WDR27: variants seen among roughly 807,000 people sequenced by gnomAD.
The protein encoded by WDR27 is WD repeat domain 27.
A neutral mutation model predicts 114.4 loss-of-function variants in WDR27; 100 were observed. The observed-to-expected ratio is 0.87, with a 90% CI of 0.74 to 1.03. WDR27 has a LOEUF of 1.03. Ranked by LOEUF, WDR27 falls within the 50% of genes least tolerant of loss-of-function variation. The pLI is 0.00. For missense variants in WDR27, 1,129 were observed against 1,092.9 expected (o/e 1.03, Z -0.47); for synonymous variants, 449 against 423.1 (o/e 1.06, Z -0.75).
chr6:169,475,464 C>T (rs1266435445), intron 25 of WDR27, among the ~76,000 whole-genome samples: 1 of 152,138 alleles, frequency 6.6e-6, no homozygotes, highest in Non-Finnish European at 1.5e-5. Context: ...CTCAGGTGAT[C>T]CACCCGCCTC....
chr6:169,597,558 A>C (rs1807052519), intron 23 of WDR27, among the ~76,000 whole-genome samples: 1 of 152,152 alleles, frequency 6.6e-6, no homozygotes, highest in Non-Finnish European at 1.5e-5. Context: ...CTCCTGGTTT[A>C]TCCAGGGGTA....
intron 17 of WDR27, among the ~76,000 whole-genome samples, chr6:169,640,486 G>A (rs1818882531): frequency 6.6e-6 from 1 of 152,242 alleles, no homozygotes; most frequent in African/African-American, 2.4e-5. Flanking sequence ...TACAGAGGCT[G>A]GTTAAGGAAA....
At chr6:169,643,296 A>G (rs1234256723) in intron 17 of WDR27, among the ~76,000 whole-genome samples, 4 of 152,054 alleles carry the variant, frequency 2.6e-5, no homozygotes, top group Non-Finnish European at 4.4e-5. Flanking sequence ...ACTTTTTTTA[A>G]AAAAAAATTG....
rs1049536415 is a variant in WDR27 at position 169,647,019 on chromosome 6, G to A, written c.1657+754C>T. Among the ~76,000 whole-genome samples the A allele has an allele frequency of 7.9e-5, 12 of 152,144 alleles. No individual in the cohort carries two copies. The South Asian group carries it at 1.2e-3, about 16-fold the overall frequency. ...TGGCATGAGGGTAGGGCAGGGTACC[G>A]GCCCAGATAGGACTTTGTGTCCAGC... On this transcript the variant is annotated intron_variant, in intron 16 of 25. Transcript: ENST00000448612.
the WDR27 span, among the ~76,000 whole-genome samples, chr6:169,438,252 TTTTG>T: frequency 1.3e-5 from 2 of 148,648 alleles, no homozygotes; most frequent in East Asian, 1.9e-4. Context: ...TTTTTTTTTT[TTTTG>T]AGACGGAGTC....
At chr6:169,428,211 G>T in the WDR27 span, among the ~76,000 whole-genome samples, 2 of 152,278 alleles carry the variant, frequency 1.3e-5, no homozygotes, top group Middle Eastern at 6.8e-3. Flanking sequence ...TTTCTCCAGT[G>T]GAGAGCTAGA....
intron 22 of WDR27, 149 bp downstream of exon 22, chr6:169,613,410 G>C: frequency 1.7e-6 from 1 of 595,464 alleles, no homozygotes; most frequent in South Asian, 2.5e-5. Flanking sequence ...TCCAAAGTTA[G>C]AGCTAACTTT....
the WDR27 span, among the ~76,000 whole-genome samples, chr6:169,441,179 T>C: frequency 2.0e-5 from 3 of 152,086 alleles, no homozygotes; most frequent in African/African-American, 7.2e-5. Context: ...GTTGTTTCAT[T>C]CTGTTTTTCT....
At chr6:169,588,454 C>T (rs769057726) in intron 23 of WDR27, among the ~76,000 whole-genome samples, 5 of 152,082 alleles carry the variant, frequency 3.3e-5, no homozygotes, top group Non-Finnish European at 5.9e-5. Context: ...TGTGGTTCAT[C>T]TGTGAGTTTT....
intron 1 of WDR27, among the ~76,000 whole-genome samples, chr6:169,692,612 C>G (rs529960589): frequency 1.8e-4 from 27 of 152,326 alleles, no homozygotes; most frequent in African/African-American, 6.3e-4. Flanking sequence ...GGAGCAAGAC[C>G]AGCTTCACAA....
intron 18 of WDR27, among the ~76,000 whole-genome samples, chr6:169,637,695 G>A (rs984879345): frequency 5.9e-5 from 9 of 152,048 alleles, no homozygotes; most frequent in African/African-American, 1.5e-4. Flanking sequence ...GTGTGTATGC[G>A]TATGCATCCA....
chr6:169,503,830 T>A (rs3006168), intron 25 of WDR27, among the ~76,000 whole-genome samples: 67,597 of 151,380 alleles, frequency 0.45, 18,775 homozygotes, highest in Non-Finnish European at 0.63. Context: ...TTCCATAAGA[T>A]TTCAGCCAAA....
At position 169,638,653 on chromosome 6, in the gene WDR27, G is replaced by T. The variant is rs200680182; in HGVS notation, c.1755C>A (p.Asp585Glu). 33 of 1,602,558 alleles carry T rather than the reference G, an allele frequency of 2.1e-5. No homozygotes were observed. The highest frequency in any genetic ancestry group is 3.4e-5 in the Admixed American group (2 of 58,436). The change falls in exon 18 of 26, where the codon GAC (aspartate) becomes GAA (glutamate). Residue 585 changes from aspartate to glutamate, a missense_variant. Asp to Glu is a conservative substitution (Grantham distance 45). Transcript: ENST00000448612. ...TGTPAVFSGH[D>E]GAVNAVCWSQ... Reference sequence around the variant, plus strand: ...TCCAGCACACGGCATTCACTGCCCCGTCGTGACCTAACAGGAATGACCACA... The same window carrying T: ...TCCAGCACACGGCATTCACTGCCCCTTCGTGACCTAACAGGAATGACCACA...
intron 1 of WDR27, among the ~76,000 whole-genome samples, chr6:169,692,067 T>C (rs551854513): frequency 8.1e-6 from 1 of 123,984 alleles, no homozygotes; most frequent in South Asian, 2.7e-4. Context: ...GGGGGAAAAC[T>C]GCCTCCAAAC....
chr6:169,612,014 C>T (rs147088048), intron 22 of WDR27, among the ~76,000 whole-genome samples: 3 of 151,254 alleles, frequency 2.0e-5, no homozygotes, highest in African/African-American at 7.3e-5. Flanking sequence ...CGCATGCCTA[C>T]AGTCCCAGCT....
rs372775323 is a variant in WDR27 at position 169,658,361 on chromosome 6, G to A, written c.1320-3C>T. 9.3e-5 allele frequency: 147 copies of A among 1,583,544 alleles called. No homozygotes were observed. Among genetic ancestry groups the A allele is most frequent in the Non-Finnish European group, 1.2e-4 (139 of 1,164,596 alleles). On this transcript the variant is annotated splice_region_variant and splice_polypyrimidine_tract_variant and intron_variant, in intron 12 of 25. Transcript: ENST00000448612. ...GAGAGGTCGGTAGGACACAGGAGCT[G>A]AAACAGAAACAAGCCCCATGAAACT...
chr6:169,614,483 T>C (rs1811329153), intron 21 of WDR27, among the ~76,000 whole-genome samples: 1 of 151,722 alleles, frequency 6.6e-6, no homozygotes, highest in South Asian at 2.1e-4. Context: ...GTCAGGAAAA[T>C]GTGAGACCAA....
rs146888317 is a variant in WDR27, at chr6:169,516,491, T to TG, written c.2645+55927dup. 9.3e-3 allele frequency among the ~76,000 whole-genome samples: 1,412 copies of TG among 152,098 alleles called. 22 individuals carry two copies. Among genetic ancestry groups the TG allele is most frequent in the African/African-American group, 0.032 (1,348 of 41,496 alleles). ...TCCAGGGGGGCTAATTCTGCTGCGG[T>TG]GGGGAATGGGCGGTGGGGACATTTG... On this transcript the variant is annotated intron_variant, in intron 25 of 25. Transcript: ENST00000448612.
At chr6:169,664,414 TC>T in intron 7 of WDR27, 128 bp from the exon 8 acceptor site, 2 of 1,549,700 alleles carry the variant, frequency 1.3e-6, no homozygotes, top group Non-Finnish European at 1.7e-6. Context: ...CTGCAGAGGC[TC>T]CCGGCACAGC....
Sources: gnomAD v4.1 joint callset for allele counts (sites outside exome capture counted in the v4.1 genomes callset) on GRCh38, gnomAD v4.1.1 for gene constraint, MANE v1.5 for transcripts, NCBI Gene and HGNC (gene_info 2026-07-23, HGNC 2026-07-21) for gene names.